Variants in AFF4 observed in about 807,000 individuals in gnomAD.
AFF4 encodes AF4/FMR2 family member 4.
AFF4 carries 13 observed loss-of-function variants against 124.8 expected under a neutral mutation model. The observed-to-expected ratio is 0.10, with a 90% CI of 0.07 to 0.17. The LOEUF (loss-of-function observed/expected upper bound fraction) is 0.17. Ranked by LOEUF, AFF4 falls within the 10% of genes least tolerant of loss-of-function variation. AFF4 has a pLI of 1.00. For synonymous variants in AFF4, 477 were observed against 496.1 expected (o/e 0.96, Z 0.51); for missense variants, 1,092 against 1,403.8 (o/e 0.78, Z 3.55).
At chr5:132,887,499 G>A (rs752592628) in intron 17 of AFF4, 22 bp downstream of exon 17, 1 of 1,595,912 alleles carries the variant, frequency 6.3e-7, no homozygotes, top group South Asian at 1.1e-5. Flanking sequence ...ATCTAGCAGA[G>A]GCTAGAACAC....
Position 132,963,609 on chromosome 5 carries a change from C to A in AFF4, c.-355G>T. ...GCTGGCGGCGGCGACGGCAGCTGGACTCCTGCAGCCAGGGCTGTGACTGAC... is the reference window on the plus strand; with the variant it reads ...GCTGGCGGCGGCGACGGCAGCTGGAATCCTGCAGCCAGGGCTGTGACTGAC... On this transcript the variant is annotated 5_prime_UTR_variant, in exon 1 of 21. Transcript: ENST00000265343. 2.5e-6 allele frequency: 1 copy of A among 397,388 alleles called. No individual in the cohort carries two copies. The highest frequency in any genetic ancestry group is 3.6e-5 in the East Asian group (1 of 28,010). 24.6% of individuals were successfully genotyped at this position (397,388 alleles called of 1,614,324 possible).
chr5:132,949,367 A>G (rs1215058172), intron 1 of AFF4, among the ~76,000 whole-genome samples: 2 of 152,000 alleles, frequency 1.3e-5, no homozygotes, highest in Non-Finnish European at 2.9e-5. Flanking sequence ...TTTTGGAATA[A>G]ATTATTTTTC....
intron 1 of AFF4, among the ~76,000 whole-genome samples, chr5:132,950,740 A>G (rs1220408856): frequency 1.3e-5 from 2 of 152,198 alleles, no homozygotes; most frequent in Non-Finnish European, 2.9e-5. Context: ...GTCTACATCT[A>G]TTCTCTTCCC....
At chr5:132,926,928 A>G in intron 5 of AFF4, 193 bp downstream of exon 5, 4 of 512,564 alleles carry the variant, frequency 7.8e-6, no homozygotes, top group South Asian at 4.6e-5. Context: ...TTGATCCAAG[A>G]TGCTCTCAGT....
intron 1 of AFF4, among the ~76,000 whole-genome samples, chr5:132,942,465 T>A (rs1252885946): frequency 1.3e-5 from 2 of 150,916 alleles, no homozygotes; most frequent in Admixed American, 1.3e-4. Flanking sequence ...TTGACCTTTT[T>A]TTTTTTTTTT....
intron 5 of AFF4, among the ~76,000 whole-genome samples, chr5:132,925,440 G>T (rs1270003567): frequency 6.6e-6 from 1 of 151,852 alleles, no homozygotes; most frequent in Non-Finnish European, 1.5e-5. Context: ...GGAAGAGAAA[G>T]ATATATTTTA....
rs146472926 is a variant in AFF4 at position 132,879,395 on chromosome 5, G to A, written c.*1664C>T. ...TTTCTGACTGAATGGATTCATTTTTGGAATGGGGAGAGGGACAAACTATTT... is the reference window on the plus strand; with the variant it reads ...TTTCTGACTGAATGGATTCATTTTTAGAATGGGGAGAGGGACAAACTATTT... On this transcript the variant is annotated 3_prime_UTR_variant, in exon 21 of 21. Coordinates refer to ENST00000265343, the MANE Select transcript of AFF4 (RefSeq NM_014423.4). 19 of 208,598 alleles carry A rather than the reference G, an allele frequency of 9.1e-5. No individual in the cohort carries two copies. The East Asian group carries it at 1.4e-3, about 15-fold the overall frequency. The allele number at this position is 208,598 out of a possible 1,614,324, so 12.9% of individuals were successfully genotyped here.
intron 1 of AFF4, among the ~76,000 whole-genome samples, chr5:132,952,248 A>C (rs1761861636): frequency 6.6e-6 from 1 of 152,238 alleles, no homozygotes; most frequent in African/African-American, 2.4e-5. Context: ...ATCACTATTC[A>C]ACATTCTACT....
Position 132,937,095 on chromosome 5 carries a change from G to A in AFF4, c.95C>T (p.Ser32Phe). The A allele has an allele frequency of 1.2e-6, 2 of 1,613,712 alleles. No individual in the cohort carries two copies. Among genetic ancestry groups the A allele is most frequent in the Non-Finnish European group, 1.7e-6 (2 of 1,179,894 alleles). ...QQGEDAFPPS[S>F]PLFAEPYKVT... Reference sequence around the variant, plus strand: ...TTTGTATGGCTCTGCAAAGAGAGGAGAGCTAGGTGGGAAGGCGTCTTCGCC... The same window carrying A: ...TTTGTATGGCTCTGCAAAGAGAGGAAAGCTAGGTGGGAAGGCGTCTTCGCC... The change falls in exon 2 of 21, where the codon TCT becomes TTT. Residue 32 changes from serine (S) to phenylalanine (F), a missense_variant. Coordinates refer to ENST00000265343, the MANE Select transcript of AFF4 (RefSeq NM_014423.4).
chr5:132,957,007 G>C (rs561772344), intron 1 of AFF4, among the ~76,000 whole-genome samples: 1 of 109,118 alleles, frequency 9.2e-6, no homozygotes, highest in Non-Finnish European at 1.7e-5. Context: ...GTGACAGTGT[G>C]AGACTTCGTC....
At chr5:132,934,966 A>G in intron 2 of AFF4, 25 bp from the exon 3 acceptor site, 1 of 1,461,356 alleles carries the variant, frequency 6.8e-7, no homozygotes, top group Non-Finnish European at 9.1e-7. Flanking sequence ...AATAAAATAA[A>G]ATTATAAAAT....
intron 6 of AFF4, 102 bp from the exon 7 acceptor site, chr5:132,902,589 T>C: frequency 1.1e-6 from 1 of 939,706 alleles, no homozygotes; most frequent in Non-Finnish European, 1.7e-6. Flanking sequence ...AACAATGAAA[T>C]ATAATTCTTC....
intron 10 of AFF4, among the ~76,000 whole-genome samples, chr5:132,897,870 T>G (rs1760448706): frequency 6.6e-6 from 1 of 152,212 alleles, no homozygotes; most frequent in Non-Finnish European, 1.5e-5. Flanking sequence ...GATTTTTAAC[T>G]GCAATTTAAC....
At position 132,896,543 on chromosome 5, in the gene AFF4, A is replaced by G. The variant is rs1340004297; in HGVS notation, c.2087T>C (p.Met696Thr). 3.1e-6 allele frequency: 5 copies of G among 1,614,150 alleles called. No individual in the cohort carries two copies. The highest frequency in any genetic ancestry group is 2.2e-5 in the East Asian group (1 of 44,882). The change falls in exon 11 of 21, where the codon ATG becomes ACG. Residue 696 changes from methionine (M) to threonine (T), a missense_variant. Coordinates refer to ENST00000265343, the MANE Select transcript of AFF4 (RefSeq NM_014423.4). ...SFFRQRMFSP[M>T]EEKELLSPLS... ...GGGTGAAAGAAGTTCCTTCTCTTCC[A>G]TAGGAGAGAACATTCGTTGCCGAAA... is the stretch of plus-strand genomic sequence containing the variant.
intron 1 of AFF4, among the ~76,000 whole-genome samples, chr5:132,961,572 G>A (rs966925484): frequency 3.3e-5 from 5 of 152,146 alleles, no homozygotes; most frequent in East Asian, 1.9e-4. Context: ...AGAGTACACA[G>A]AAGAGAATGT....
At chr5:132,888,060 G>T in intron 15 of AFF4, 37 bp downstream of exon 15, 1 of 1,605,680 alleles carries the variant, frequency 6.2e-7, no homozygotes, top group South Asian at 1.1e-5. Context: ...AAGTTAATTT[G>T]ATTAAATACG....
chr5:132,931,137 C>T (rs376959939), intron 4 of AFF4, among the ~76,000 whole-genome samples: 4 of 149,374 alleles, frequency 2.7e-5, no homozygotes, highest in Admixed American at 6.7e-5. Flanking sequence ...GTAAAGCAGC[C>T]GGGTGCAGTG....
In AFF4 at chr5:132,934,566, C is replaced by T. The variant is rs144041432; in HGVS notation, c.499G>A (p.Gly167Ser). The change falls in exon 3 of 21, where the codon GGC (glycine) becomes AGC (serine). Residue 167 changes from glycine to serine, a missense_variant. Physicochemically the swap from Gly to Ser is moderately conservative, Grantham distance 56. Coordinates refer to ENST00000265343, the MANE Select transcript of AFF4 (RefSeq NM_014423.4). ...TTGGAGTGTTCTGATCCATGCTGGC[C>T]TTTTTTCCGGCTACTGCTCCCACTA... ...NNSGSSSRKK[G>S]QHGSEHSKSR... 5.6e-6 allele frequency: 9 copies of T among 1,614,000 alleles called. No homozygotes were observed. The highest frequency in any genetic ancestry group is 7.6e-6 in the Non-Finnish European group (9 of 1,180,022).
intron 5 of AFF4, among the ~76,000 whole-genome samples, chr5:132,912,920 T>C (rs1581296633): frequency 6.6e-6 from 1 of 151,700 alleles, no homozygotes; most frequent in South Asian, 2.1e-4. Flanking sequence ...AAAAGCAAGA[T>C]AGTAGATTTA....
Sources: gnomAD v4.1 joint callset for allele counts (sites outside exome capture counted in the v4.1 genomes callset) on GRCh38, gnomAD v4.1.1 for gene constraint, MANE v1.5 for transcripts, NCBI Gene and HGNC (gene_info 2026-07-23, HGNC 2026-07-21) for gene names.